Variants in ADGRL2 observed in about 807,000 individuals in gnomAD.
The protein encoded by ADGRL2 is adhesion G protein-coupled receptor L2, also known as calcium-independent alpha-latrotoxin receptor 2.
Under a neutral mutation model 157.4 loss-of-function variants are expected in ADGRL2, and 44 were observed. The observed-to-expected ratio is 0.28, with a 90% confidence interval of 0.22 to 0.36. ADGRL2 has a LOEUF of 0.36. ADGRL2 is among the 10% of genes least tolerant of loss of function. ADGRL2 has a pLI of 1.00. For missense variants in ADGRL2, 1,510 were observed against 1,768.9 expected (o/e 0.85, Z 2.63); for synonymous variants, 585 against 624.7 (o/e 0.94, Z 0.95).
intron 21 of ADGRL2, 173 bp downstream of exon 21, chr1:81,985,528 G>T (rs917097446): frequency 4.9e-6 from 2 of 409,768 alleles, no homozygotes; most frequent in African/African-American, 2.1e-5. Flanking sequence ...ATCCTAGGGA[G>T]TACAGATTTA....
At chr1:81,541,606 T>A (rs986611441) in intron 2 of ADGRL2, among the ~76,000 whole-genome samples, 1 of 152,108 alleles carries the variant, frequency 6.6e-6, no homozygotes, top group African/African-American at 2.4e-5. Context: ...GAAAGAAAGA[T>A]CAAATGTAGC....
intron 1 of ADGRL2, chr1:81,721,724 C>T: frequency 7.1e-7 from 1 of 1,407,390 alleles, no homozygotes; most frequent in Non-Finnish European, 9.9e-7. Context: ...CGAGCAGGCC[C>T]TTGTGAAAAT....
At chr1:81,428,064 T>C (rs2077250869) in intron 1 of ADGRL2, among the ~76,000 whole-genome samples, 1 of 152,230 alleles carries the variant, frequency 6.6e-6, no homozygotes, top group Non-Finnish European at 1.5e-5. Context: ...AGGTGTTTCC[T>C]TGTGAGTTAA....
intron 1 of ADGRL2, among the ~76,000 whole-genome samples, chr1:81,418,908 C>A (rs906903215): frequency 6.6e-6 from 1 of 152,052 alleles, no homozygotes; most frequent in Non-Finnish European, 1.5e-5. Context: ...AAAATGAAAT[C>A]ATGATTATTT....
chr1:81,640,622 C>T (rs965194893), intron 3 of ADGRL2, among the ~76,000 whole-genome samples: 1 of 126,964 alleles, frequency 7.9e-6, no homozygotes, highest in African/African-American at 3.0e-5. Context: ...CAGAGCCAGA[C>T]TCCATCTCAA....
intron 2 of ADGRL2, among the ~76,000 whole-genome samples, chr1:81,888,740 C>G (rs1489114646): frequency 3.3e-5 from 5 of 152,174 alleles, no homozygotes; most frequent in African/African-American, 1.2e-4. Context: ...GTGTGAACCA[C>G]TGCGCCCGGC....
At chr1:81,505,140 C>A in intron 2 of ADGRL2, 1 of 458,778 alleles carries the variant, frequency 2.2e-6, no homozygotes, top group Non-Finnish European at 4.1e-6. Flanking sequence ...GCCCGGTAAG[C>A]TGCAGCTCTG....
chr1:81,888,838 T>G (rs141370725), intron 2 of ADGRL2, among the ~76,000 whole-genome samples: 1 of 152,316 alleles, frequency 6.6e-6, no homozygotes, highest in African/African-American at 2.4e-5. Context: ...TGTGCTCACT[T>G]CATGTGTCTG....
At chr1:81,460,025 T>C (rs2077893474) in intron 2 of ADGRL2, among the ~76,000 whole-genome samples, 1 of 152,014 alleles carries the variant, frequency 6.6e-6, no homozygotes, top group South Asian at 2.1e-4. Context: ...TTGTTATTTT[T>C]GTAATAAGCA....
At chr1:81,600,220 G>A (rs2081310138) in intron 3 of ADGRL2, among the ~76,000 whole-genome samples, 1 of 152,228 alleles carries the variant, frequency 6.6e-6, no homozygotes. Flanking sequence ...ACATGTGCAA[G>A]TAAGTAAAGA....
chr1:81,551,059 G>A (rs1388403816), intron 2 of ADGRL2, among the ~76,000 whole-genome samples: 1 of 152,104 alleles, frequency 6.6e-6, no homozygotes, highest in Non-Finnish European at 1.5e-5. Context: ...GACTCATTGA[G>A]CTTCATTTTC....
chr1:81,769,988 C>T (rs1170324070), intron 2 of ADGRL2, among the ~76,000 whole-genome samples: 1 of 151,846 alleles, frequency 6.6e-6, no homozygotes, highest in Non-Finnish European at 1.5e-5. Flanking sequence ...CTCAGCCTCC[C>T]AAGTAGCTGG....
intron 2 of ADGRL2, among the ~76,000 whole-genome samples, chr1:81,465,063 T>C (rs1208271002): frequency 6.6e-6 from 1 of 152,166 alleles, no homozygotes; most frequent in Non-Finnish European, 1.5e-5. Context: ...CAAGTGATAC[T>C]GTGTTGTCGG....
Position 81,328,063 on chromosome 1 carries a change from G to A in ADGRL2, c.-302+21554G>A, listed in dbSNP as rs201686141. ...AAAACAAAAAGGCTTTTAGAAAGTA[G>A]TGTCCCAGAGAAGAACACGACTACA... On this transcript the variant is annotated intron_variant, in intron 1 of 24. Coordinates refer to the ADGRL2 transcript ENST00000370721. Among the ~76,000 whole-genome samples the A allele has an allele frequency of 4.6e-5, 7 of 152,230 alleles. No homozygotes were observed. The East Asian group carries it at 9.7e-4, about 21-fold the overall frequency.
At chr1:81,667,705 TAAAG>T (rs2082780655) in intron 3 of ADGRL2, among the ~76,000 whole-genome samples, 2 of 152,080 alleles carry the variant, frequency 1.3e-5, no homozygotes, top group African/African-American at 4.8e-5. Context: ...TTAAAAGAAA[TAAAG>T]TAAGCAAGAT....
intron 3 of ADGRL2, among the ~76,000 whole-genome samples, chr1:81,914,137 C>T (rs182610967): frequency 2.3e-4 from 35 of 152,136 alleles, no homozygotes; most frequent in African/African-American, 7.9e-4. Context: ...TTATAGATTT[C>T]GGCTTGTGTA....
At chr1:81,571,127 C>A (rs1224060101) in intron 2 of ADGRL2, among the ~76,000 whole-genome samples, 2 of 151,830 alleles carry the variant, frequency 1.3e-5, no homozygotes, top group Non-Finnish European at 2.9e-5. Flanking sequence ...GAGTTGGAGA[C>A]CCGCCTGGCC....
chr1:81,900,528 C>A (rs939964146), intron 2 of ADGRL2, among the ~76,000 whole-genome samples: 5 of 79,556 alleles, frequency 6.3e-5, no homozygotes, highest in African/African-American at 2.6e-4. Context: ...AAAGTAAACA[C>A]TGTAGGGAAA....
rs190954018 is a variant in ADGRL2, at chr1:81,631,086, A to G, written c.-143+50106A>G. ...CTCATATTGTTTTTTTCAAGAGTGC[A>G]TCAAAAATTTCTACCTTTCCAATAT... On this transcript the variant is annotated intron_variant, in intron 3 of 24. Transcript: ENST00000370721. Among the ~76,000 whole-genome samples the G allele has an allele frequency of 2.7e-3, 417 of 152,314 alleles. 3 individuals are homozygous for G. Among genetic ancestry groups the G allele is most frequent in the Middle Eastern group, 0.01 (3 of 294 alleles).
Sources: allele counts gnomAD v4.1 joint callset (sites outside exome capture counted in the v4.1 genomes callset), GRCh38; gene constraint gnomAD v4.1.1; transcripts MANE v1.5; gene names NCBI Gene and HGNC (gene_info 2026-07-23, HGNC 2026-07-21).